Variants in MGMT observed in about 807,000 individuals in gnomAD.
MGMT encodes O-6-methylguanine-DNA methyltransferase.
A neutral mutation model predicts 15.9 loss-of-function variants in MGMT; 14 were observed. That is an observed-to-expected ratio of 0.88 (90% CI 0.58 to 1.37). The LOEUF is 1.37. MGMT is among the 40% of genes most tolerant of loss of function. The pLI is 0.00. For missense variants in MGMT, 282 were observed against 268.1 expected, an observed-to-expected ratio of 1.05 and a Z score of -0.36; for synonymous variants, 130 against 118.2, an observed-to-expected ratio of 1.10 and a Z score of -0.65.
At chr10:129,534,300 G>A (rs1390610640) in intron 1 of MGMT, among the ~76,000 whole-genome samples, 4 of 152,154 alleles carry the variant, frequency 2.6e-5, no homozygotes, top group African/African-American at 9.7e-5. Context: ...CAGCAGGGAG[G>A]CTGCAGGGTG....
intron 1 of MGMT, among the ~76,000 whole-genome samples, chr10:129,487,997 A>ACACG (rs200221986): frequency 8.8e-6 from 1 of 113,322 alleles, no homozygotes; most frequent in African/African-American, 3.6e-5. Context: ...ACACACACAC[A>ACACG]TAGGTATACA....
chr10:129,739,465 C>G (rs937799472), intron 3 of MGMT, among the ~76,000 whole-genome samples: 4 of 152,228 alleles, frequency 2.6e-5, no homozygotes, highest in Admixed American at 2.6e-4. Context: ...AGAGTTCACT[C>G]TTCTTGGTGT....
rs892821664 is a variant in MGMT, at chr10:129,659,282, G to A, written c.126-48613G>A. Among the ~76,000 whole-genome samples, 2 of 151,940 alleles carry A rather than the reference G, an allele frequency of 1.3e-5. No homozygotes were observed. The highest frequency in any genetic ancestry group is 4.8e-5 in the African/African-American group (2 of 41,304). ...TGAGGCAGGAGAATTGCTTGAACCT[G>A]GGAGGCGGAGGTTGCAGTGAGCCAA... On this transcript the variant is annotated intron_variant, in intron 2 of 4. Coordinates refer to ENST00000651593, the MANE Select transcript of MGMT (RefSeq NM_002412.5). The surrounding 1 kb of genome is among the most constrained non-coding windows in gnomAD (Gnocchi z 4.1).
At chr10:129,708,241 G>C (rs947778206) in intron 3 of MGMT, among the ~76,000 whole-genome samples, 198 bp downstream of exon 3, 1 of 152,212 alleles carries the variant, frequency 6.6e-6, no homozygotes, top group South Asian at 2.1e-4. Context: ...TTTTGGCACA[G>C]GGTTGCATAA....
chr10:129,475,624 C>T (rs1485724451), intron 1 of MGMT, among the ~76,000 whole-genome samples: 1 of 152,166 alleles, frequency 6.6e-6, no homozygotes, highest in Non-Finnish European at 1.5e-5. Context: ...CAGATGGATG[C>T]TGTGGTTGTG....
intron 2 of MGMT, among the ~76,000 whole-genome samples, chr10:129,562,984 C>T (rs979893317): frequency 6.6e-6 from 1 of 152,166 alleles, no homozygotes; most frequent in South Asian, 2.1e-4. Context: ...TGCCACCATT[C>T]TGCGTCTCAG....
At chr10:129,489,610 C>G (rs981955206) in intron 1 of MGMT, among the ~76,000 whole-genome samples, 2 of 152,044 alleles carry the variant, frequency 1.3e-5, no homozygotes, top group Non-Finnish European at 2.9e-5. Context: ...TGCGCTCTTG[C>G]ACTCTCTGTC....
intron 1 of MGMT, among the ~76,000 whole-genome samples, chr10:129,498,229 T>G (rs1845542376): frequency 6.6e-6 from 1 of 152,228 alleles, no homozygotes; most frequent in Non-Finnish European, 1.5e-5. Context: ...TACTGTGATG[T>G]TAGCTTGGTC....
chr10:129,616,453 G>A lies in MGMT; in HGVS notation c.125+80076G>A, dbSNP rs1847027860. 2.0e-5 allele frequency among the ~76,000 whole-genome samples: 3 copies of A among 152,082 alleles called. No homozygotes were observed. The South Asian group carries it at 6.2e-4, about 32-fold the overall frequency. On this transcript the variant is annotated intron_variant, in intron 2 of 4. Coordinates refer to ENST00000651593, the MANE Select transcript of MGMT (RefSeq NM_002412.5). The stretch of plus-strand genomic sequence containing the variant: ...GCCCTGGAGCTGGAATGGTAGACAG[G>A]GCTTTCTTAGTGCCAGGGCCTGCAA...
At chr10:129,640,019 A>C (rs964173022) in intron 2 of MGMT, among the ~76,000 whole-genome samples, 1 of 151,670 alleles carries the variant, frequency 6.6e-6, no homozygotes. Flanking sequence ...GCTACAAAAC[A>C]TACTGACACT....
intron 3 of MGMT, among the ~76,000 whole-genome samples, chr10:129,750,037 G>A (rs1848735678): frequency 6.6e-6 from 1 of 151,960 alleles, no homozygotes; most frequent in South Asian, 2.1e-4. Context: ...TTTCAGATAT[G>A]TGTCTTACAT....
rs543994635 is a variant in MGMT, at chr10:129,612,520, TGTTA to T, written c.125+76147_125+76150del. Among the ~76,000 whole-genome samples, 288 of 152,318 alleles carry T rather than the reference TGTTA, an allele frequency of 1.9e-3. 2 individuals are homozygous for T. Among genetic ancestry groups the T allele is most frequent in the African/African-American group, 6.7e-3 (277 of 41,580 alleles). ...CATTACCTAGTTTTATACCCGGGAATGTTAGTTGTTGCACGTGAGGACATGAAGT... is the reference window on the plus strand; with the variant it reads ...CATTACCTAGTTTTATACCCGGGAATGTTGTTGCACGTGAGGACATGAAGT... On this transcript the variant is annotated intron_variant, in intron 2 of 4. Coordinates refer to ENST00000651593, the MANE Select transcript of MGMT (RefSeq NM_002412.5).
intron 2 of MGMT, among the ~76,000 whole-genome samples, chr10:129,581,547 G>A (rs1272259624): frequency 6.6e-6 from 1 of 152,208 alleles, no homozygotes; most frequent in Non-Finnish European, 1.5e-5. Flanking sequence ...GATGATGCAG[G>A]AACTCTGGAT....
At chr10:129,698,018 G>T (rs570603042) in intron 2 of MGMT, among the ~76,000 whole-genome samples, 1 of 152,300 alleles carries the variant, frequency 6.6e-6, no homozygotes, top group Admixed American at 6.5e-5. Context: ...CCCCTTTTGT[G>T]GACGTGGACG....
intron 1 of MGMT, among the ~76,000 whole-genome samples, chr10:129,493,570 A>C (rs12268510): frequency 0.27 from 40,492 of 152,060 alleles, 5,550 homozygotes; most frequent in Non-Finnish European, 0.29. Context: ...AAAAATCTTG[A>C]AGATTTAGAA....
chr10:129,718,574 C>G (rs993028301), intron 3 of MGMT, among the ~76,000 whole-genome samples: 1 of 152,232 alleles, frequency 6.6e-6, no homozygotes, highest in African/African-American at 2.4e-5. Flanking sequence ...TCTCACTTCT[C>G]TTCATGGGTC....
At chr10:129,567,908 C>T (rs1489478821) in intron 2 of MGMT, among the ~76,000 whole-genome samples, 1 of 152,068 alleles carries the variant, frequency 6.6e-6, no homozygotes, top group Non-Finnish European at 1.5e-5. Flanking sequence ...ATTGAAATAC[C>T]AATTCAGAGA....
intron 3 of MGMT, among the ~76,000 whole-genome samples, chr10:129,713,978 T>G (rs1436302401): frequency 1.3e-5 from 2 of 152,248 alleles, no homozygotes; most frequent in Non-Finnish European, 2.9e-5. Flanking sequence ...CTGGCTCATT[T>G]GAATACCTGC....
intron 1 of MGMT, among the ~76,000 whole-genome samples, chr10:129,484,483 T>C (rs1257261088): frequency 6.6e-6 from 1 of 152,262 alleles, no homozygotes; most frequent in African/African-American, 2.4e-5. Flanking sequence ...CTTCTATTTC[T>C]CATGTCATAT....
Sources: gnomAD v4.1 joint callset for allele counts (sites outside exome capture counted in the v4.1 genomes callset) on GRCh38, gnomAD v4.1.1 for gene constraint, Gnocchi (gnomAD v3.1) non-coding constraint, MANE v1.5 for transcripts, NCBI Gene and HGNC (gene_info 2026-07-23, HGNC 2026-07-21) for gene names.